Variants in MXD4 observed in about 807,000 individuals in gnomAD.
MXD4 encodes the protein MAX dimerization protein 4, also known as Mad4 homolog.
In MXD4, 16 loss-of-function variants were observed where a neutral mutation model predicts 24.5. The ratio of observed to expected loss-of-function variants is 0.65; its 90% CI spans 0.44 to 0.99. The LOEUF (loss-of-function observed/expected upper bound fraction) is 0.99. Among genes scored for constraint, MXD4 ranks in the 50% least tolerant of loss-of-function variants. MXD4 has a pLI of 0.00. For synonymous variants in MXD4, 164 were observed against 134.2 expected (o/e 1.22, Z -1.54); for missense variants, 301 against 301.5 (o/e 1.00, Z 0.01).
chr4:2,260,487 A>G, intron 2 of MXD4: 1 of 448,598 alleles, frequency 2.2e-6, no homozygotes, highest in Non-Finnish European at 4.5e-6. Flanking sequence ...GGGGAGCCCC[A>G]GCTCACGCCC....
At position 2,247,688 on chromosome 4, in the gene MXD4, G is replaced by C. The variant is rs1422350153; in HGVS notation, c.*2856C>G. 6.6e-6 allele frequency: 1 copy of C among 152,398 alleles called. No individual in the cohort carries two copies. Among genetic ancestry groups the C allele is most frequent in the Non-Finnish European group, 1.5e-5 (1 of 68,206 alleles). 9.4% of individuals were successfully genotyped at this position (152,398 alleles called of 1,614,324 possible). A position where few individuals can be genotyped will look rare whatever the true frequency, so the allele number is the denominator to read the frequency against. ...GGGGTCCCAGGTTCCCTGACAGAGG[G>C]AGGCAGGGCACGGGGGAGCCTGCCT... On this transcript the variant is annotated 3_prime_UTR_variant, in exon 6 of 6. Transcript: ENST00000337190.
chr4:2,257,124 G>A (rs1214524435), intron 3 of MXD4, among the ~76,000 whole-genome samples: 5 of 152,208 alleles, frequency 3.3e-5, no homozygotes, highest in African/African-American at 1.2e-4. Context: ...CTGAATCCCG[G>A]GAGAACGGAA....
At chr4:2,255,389 A>G (rs555786706) in intron 3 of MXD4, 3 of 456,278 alleles carry the variant, frequency 6.6e-6, no homozygotes, top group South Asian at 4.6e-5. Flanking sequence ...CTGACCACAC[A>G]CACGCACTGT....
chr4:2,250,951 C>T (rs1470021405), intron 5 of MXD4, 133 bp downstream of exon 5: 5 of 1,242,354 alleles, frequency 4.0e-6, no homozygotes, highest in Middle Eastern at 5.7e-4. Context: ...GTGACAAACA[C>T]ACACCCCAGT....
rs375115591 is a variant in MXD4, at chr4:2,250,712, T to G, written c.473-11A>C. 7 of 1,611,610 alleles carry G rather than the reference T, an allele frequency of 4.3e-6. No homozygotes were observed. Among genetic ancestry groups the G allele is most frequent in the South Asian group, 1.1e-5 (1 of 90,970 alleles). On this transcript the variant is annotated splice_polypyrimidine_tract_variant and intron_variant, in intron 5 of 5. Coordinates refer to ENST00000337190, the MANE Select transcript of MXD4 (RefSeq NM_006454.3). ...CCTCTATGTCCACTTCTAGGGAGAA[T>G]AGAGTGGGGATGGGGTCAGGCCACT...
In MXD4 at chr4:2,261,760, C is replaced by A; in HGVS notation, c.129G>T (p.Lys43Asn). The A allele has an allele frequency of 7.0e-7, 1 of 1,431,926 alleles. No individual in the cohort carries two copies. Among genetic ancestry groups the A allele is most frequent in the East Asian group, 3.1e-5 (1 of 32,012 alleles). 88.7% of individuals were successfully genotyped at this position (1,431,926 alleles called of 1,614,324 possible). The change falls in exon 2 of 6, where the codon AAG becomes AAT. Residue 43 changes from lysine to asparagine, a missense_variant. Transcript: ENST00000337190. ...GGGCCTTGCGCACCAGGCCGGCCGC[C>A]TTTGTTTTCTCCCTGGCGAAGTCGC... is the stretch of plus-strand genomic sequence containing the variant. ...FDGDFAREKT[K>N]AAGLVRKAPN...
rs1386349796 is a variant in MXD4, at chr4:2,250,558, G to T, written c.616C>A (p.Pro206Thr). 12 of 1,594,158 alleles carry T rather than the reference G, an allele frequency of 7.5e-6. No individual in the cohort carries two copies. Among genetic ancestry groups the T allele is most frequent in the Non-Finnish European group, 1.0e-5 (12 of 1,171,152 alleles). ...FGPHCRRLGR[P>T]ALS ...AGGGCACGGGCCTACGAGAGGGCGG[G>T]GCGGCCCAGCCGCCGGCAGTGGGGC... Residue 206 changes from proline to threonine, a missense_variant, in exon 6 of 6, where the codon CCC becomes ACC. Physicochemically the swap from Pro to Thr is conservative, Grantham distance 38 (BLOSUM62 -1). Transcript: ENST00000337190.
At chr4:2,258,198 T>C (rs141483722) in intron 2 of MXD4, among the ~76,000 whole-genome samples, 187 bp from the exon 3 acceptor site, 74 of 152,188 alleles carry the variant, frequency 4.9e-4, no homozygotes, top group Non-Finnish European at 9.0e-4. Context: ...GGGAACCACA[T>C]GCTAAGGGTG....
rs775149089 is a variant in MXD4, at chr4:2,249,827, G to C, written c.*717C>G. ...AGAACATGTGACCTCGGGACGCCCAGGTGTGTCTGCATGTGTGAGCATGTA... is the reference window on the plus strand; with the variant it reads ...AGAACATGTGACCTCGGGACGCCCACGTGTGTCTGCATGTGTGAGCATGTA... On this transcript the variant is annotated 3_prime_UTR_variant, in exon 6 of 6. Coordinates refer to ENST00000337190, the MANE Select transcript of MXD4 (RefSeq NM_006454.3). 5 of 152,670 alleles carry C rather than the reference G, an allele frequency of 3.3e-5. No homozygotes were observed. The highest frequency in any genetic ancestry group is 1.2e-4 in the African/African-American group (5 of 41,460). 9.5% of individuals were successfully genotyped at this position (152,670 alleles called of 1,614,324 possible). A position where few individuals can be genotyped will look rare whatever the true frequency, so the allele number is the denominator to read the frequency against.
chr4:2,253,015 C>T (rs923132729), intron 3 of MXD4: 6 of 156,144 alleles, frequency 3.8e-5, no homozygotes, highest in African/African-American at 1.2e-4. Context: ...GGCCAGGGAC[C>T]AGGCCCTTCC....
At chr4:2,256,763 C>A (rs181033917) in intron 3 of MXD4, among the ~76,000 whole-genome samples, 6 of 152,244 alleles carry the variant, frequency 3.9e-5, no homozygotes, top group African/African-American at 1.4e-4. Flanking sequence ...TGCAGGGGTC[C>A]CCTGTCCTCC....
intron 2 of MXD4, among the ~76,000 whole-genome samples, chr4:2,259,435 T>C (rs745686063): frequency 1.3e-5 from 2 of 152,154 alleles, no homozygotes; most frequent in African/African-American, 4.8e-5. Flanking sequence ...CTCACAGAGA[T>C]AGGCCCCTAC....
chr4:2,258,419 A>C (rs1735474503), intron 2 of MXD4, among the ~76,000 whole-genome samples: 1 of 152,000 alleles, frequency 6.6e-6, no homozygotes, highest in South Asian at 2.1e-4. Context: ...TGACAGGAGG[A>C]CCTAGGCCCC....
In MXD4 at chr4:2,250,698, A is replaced by C. The variant is rs1271064640; in HGVS notation, c.476T>G (p.Val159Gly). 3.7e-6 allele frequency: 6 copies of C among 1,612,942 alleles called. No homozygotes were observed. The highest frequency in any genetic ancestry group is 2.7e-5 in the African/African-American group (2 of 74,908). Residue 159 changes from valine (V) to glycine (G), a missense_variant, in exon 6 of 6, where the codon GTG (valine) becomes GGG (glycine). Physicochemically the swap from Val to Gly is moderately radical, Grantham distance 109 (BLOSUM62 -3). Coordinates refer to ENST00000337190, the MANE Select transcript of MXD4 (RefSeq NM_006454.3). ...AVSTDDSEQE[V>G]DIEGMEFGPG... ...GCCAAACTCCATGCCCTCTATGTCC[A>C]CTTCTAGGGAGAATAGAGTGGGGAT...
At chr4:2,257,379 C>A (rs1427123660) in intron 3 of MXD4, among the ~76,000 whole-genome samples, 1 of 152,130 alleles carries the variant, frequency 6.6e-6, no homozygotes, top group Non-Finnish European at 1.5e-5. Flanking sequence ...TGCCTCTGCA[C>A]TCACCCAGGG....
rs1406892809 is a variant in MXD4, at chr4:2,261,904, G to T, written c.64+13C>A. ...CCCACCGCCGCGGGCGCACAATGGGGTGCGAGCGCTACCTCGATCCCTGCG... is the reference window on the plus strand; with the variant it reads ...CCCACCGCCGCGGGCGCACAATGGGTTGCGAGCGCTACCTCGATCCCTGCG... On this transcript the variant is annotated intron_variant, in intron 1 of 5. Transcript: ENST00000337190. 4.1e-6 allele frequency: 6 copies of T among 1,451,894 alleles called. No homozygotes were observed. The highest frequency in any genetic ancestry group is 5.4e-6 in the Non-Finnish European group (6 of 1,101,752). 89.9% of individuals were successfully genotyped at this position (1,451,894 alleles called of 1,614,324 possible). A position where few individuals can be genotyped will look rare whatever the true frequency, so the allele number is the denominator to read the frequency against.
chr4:2,252,602 C>A (rs965527715), intron 3 of MXD4, 80 bp from the exon 4 acceptor site: 76 of 884,056 alleles, frequency 8.6e-5, no homozygotes, highest in Non-Finnish European at 8.8e-6. Flanking sequence ...CACAGACCCA[C>A]CCCCACCATC....
At chr4:2,254,677 G>C (rs773590877) in intron 3 of MXD4, 2 of 152,794 alleles carry the variant, frequency 1.3e-5, no homozygotes, top group Non-Finnish European at 2.9e-5. Context: ...AGAATGCCTC[G>C]ATGTCACAAC....
At chr4:2,259,983 G>A (rs1383245190) in intron 2 of MXD4, among the ~76,000 whole-genome samples, 5 of 152,238 alleles carry the variant, frequency 3.3e-5, no homozygotes, top group African/African-American at 1.2e-4. Flanking sequence ...GAGCATGGAA[G>A]CCTCACAGGT....
Sources: gnomAD v4.1 joint callset for allele counts (sites outside exome capture counted in the v4.1 genomes callset) on GRCh38, gnomAD v4.1.1 for gene constraint, MANE v1.5 for transcripts, NCBI Gene and HGNC (gene_info 2026-07-23, HGNC 2026-07-21) for gene names.